Variants in CENPT observed in about 807,000 individuals in gnomAD.
The protein encoded by CENPT is interphase centromere complex protein 22.
In CENPT, 42 loss-of-function variants were observed where a neutral mutation model predicts 59.7. The ratio of observed to expected loss-of-function variants is 0.70; its 90% CI spans 0.55 to 0.91. The LOEUF (loss-of-function observed/expected upper bound fraction) is 0.91, where lower values mean the gene tolerates loss of function less well. CENPT is among the 40% of genes least tolerant of loss of function. The pLI is 0.00. For missense variants in CENPT, 716 were observed against 713.4 expected, an observed-to-expected ratio of 1.00 and a Z score of -0.04; for synonymous variants, 295 against 289.6, an observed-to-expected ratio of 1.02 and a Z score of -0.19.
chr16:67,830,552 T>C lies in CENPT; in HGVS notation c.704-4A>G. 6.2e-7 allele frequency: 1 copy of C among 1,613,724 alleles called. No individual in the cohort carries two copies. Among genetic ancestry groups the C allele is most frequent in the Non-Finnish European group, 8.5e-7 (1 of 1,179,886 alleles). ...TGGGTGTCCTCCAACACAATGTCTGTGGGCAGAGTAGTAACAGGTTCTGAG... is the reference window on the plus strand; with the variant it reads ...TGGGTGTCCTCCAACACAATGTCTGCGGGCAGAGTAGTAACAGGTTCTGAG... On this transcript the variant is annotated splice_region_variant and splice_polypyrimidine_tract_variant and intron_variant, in intron 10 of 15. Coordinates refer to ENST00000562787, the MANE Select transcript of CENPT (RefSeq NM_025082.4).
In CENPT at chr16:67,842,307, T is replaced by G; in HGVS notation, c.-492+5094A>C. The stretch of plus-strand genomic sequence containing the variant: ...CGTAGTCTCTTTCTCAGGCGGTCCT[T>G]CGCGGCGTCCCCGGGGCCCACTCCC... On this transcript the variant is annotated intron_variant, in intron 1 of 15. Transcript: ENST00000562787. The surrounding 1 kb of genome is among the most constrained non-coding windows in gnomAD (Gnocchi z 4.9). 5.9e-6 allele frequency: 1 copy of G among 170,102 alleles called. No homozygotes were observed. Among genetic ancestry groups the G allele is most frequent in the Non-Finnish European group, 1.2e-5 (1 of 80,556 alleles). The allele number at this position is 170,102 out of a possible 1,614,324, so 10.5% of individuals were successfully genotyped here.
intron 1 of CENPT, among the ~76,000 whole-genome samples, chr16:67,838,077 T>G (rs1191499556): frequency 6.6e-6 from 1 of 152,124 alleles, no homozygotes; most frequent in African/African-American, 2.4e-5. Flanking sequence ...GTGAGCTGGA[T>G]CGTGGAGGTG....
intron 13 of CENPT, 25 bp from the exon 14 acceptor site, chr16:67,828,868 G>C: frequency 6.4e-7 from 1 of 1,555,476 alleles, no homozygotes; most frequent in African/African-American, 1.4e-5. Flanking sequence ...GGACAGAGGG[G>C]GCTGAACTTG....
chr16:67,831,026 A>G (rs1428874869), intron 10 of CENPT, 190 bp downstream of exon 10: 2 of 726,052 alleles, frequency 2.8e-6, no homozygotes, highest in Non-Finnish European at 4.7e-6. Context: ...GCCCTGGGAG[A>G]CACCGAGGGA....
chr16:67,831,539 C>T (rs1247618986), intron 9 of CENPT, 37 bp downstream of exon 9: 44 of 1,612,054 alleles, frequency 2.7e-5, no homozygotes, highest in Non-Finnish European at 3.7e-5. Context: ...GTCTCTCCTC[C>T]ACCCACTCCC....
rs758338398 is a variant in CENPT, at chr16:67,831,269, A to G, written c.650T>C (p.Val217Ala). 1.9e-6 allele frequency: 3 copies of G among 1,614,194 alleles called. No homozygotes were observed. The highest frequency in any genetic ancestry group is 2.5e-6 in the Non-Finnish European group (3 of 1,180,022). ...LARRPPARRA[V>A]DVGAFLRDLR... is the part of the protein sequence containing the mutation. ...ATCCCGCAAAAAGGCACCCACGTCT[A>G]CAGCTCGGCGGGCTGGAGGTCTGCG... Residue 217 changes from valine to alanine, a missense_variant, in exon 10 of 16, where the codon GTA becomes GCA. By Grantham distance (64) the Val-to-Ala change is moderately conservative. Transcript: ENST00000562787.
At chr16:67,836,648 T>C (rs1362257503) in intron 1 of CENPT, among the ~76,000 whole-genome samples, 3 of 151,764 alleles carry the variant, frequency 2.0e-5, no homozygotes, top group African/African-American at 7.3e-5. Flanking sequence ...GTTTTGCTCT[T>C]GTTGCCCAGG....
Position 67,832,452 on chromosome 16 carries a change from T to G in CENPT, c.201+3A>C. ...CTTTGGGGTCAGTGGGCTGGGTACT[T>G]ACCCTGGCTCCATGGGAACGCCCTC... is the stretch of plus-strand genomic sequence containing the variant. On this transcript the variant is annotated splice_donor_region_variant and intron_variant, in intron 5 of 15. Coordinates refer to ENST00000562787, the MANE Select transcript of CENPT (RefSeq NM_025082.4). 1 of 1,614,112 alleles carries G rather than the reference T, an allele frequency of 6.2e-7. No individual in the cohort carries two copies. The highest frequency in any genetic ancestry group is 8.5e-7 in the Non-Finnish European group (1 of 1,179,966).
At chr16:67,830,666 G>A (rs2151284564) in intron 10 of CENPT, 118 bp from the exon 11 acceptor site, 2 of 1,008,542 alleles carry the variant, frequency 2.0e-6, no homozygotes, top group Non-Finnish European at 1.5e-6. Flanking sequence ...CCTGGACAGT[G>A]GGCTGCATGG....
rs2057779527 is a variant in CENPT at position 67,843,604 on chromosome 16, GAGGCTTA to G, written c.-492+3790_-492+3796del. 2.5e-5 allele frequency: 29 copies of G among 1,183,104 alleles called. No homozygotes were observed. The South Asian group carries it at 4.5e-4, about 18-fold the overall frequency. The allele number at this position is 1,183,104 out of a possible 1,614,324, so 73.3% of individuals were successfully genotyped here. ...CTCCTGGGCACTGGTTGACAGTACT[GAGGCTTA>G]AGGCAGCTGGACTCTCTTGCTGGTG... is the stretch of plus-strand genomic sequence containing the variant. On this transcript the variant is annotated intron_variant, in intron 1 of 15. Transcript: ENST00000562787. This position sits in a 1 kb window ranked among gnomAD's most constrained non-coding sequence, Gnocchi z 5.7.
chr16:67,839,974 C>T (rs2057751770), intron 1 of CENPT, among the ~76,000 whole-genome samples: 1 of 152,146 alleles, frequency 6.6e-6, no homozygotes, highest in Non-Finnish European at 1.5e-5. Context: ...TTACCAGGGG[C>T]TACACCGGCC....
intron 13 of CENPT, chr16:67,829,219 C>A: frequency 1.9e-6 from 1 of 534,138 alleles, no homozygotes; most frequent in Non-Finnish European, 3.3e-6. Flanking sequence ...CACATACTTT[C>A]CCCTCACCCA....
intron 10 of CENPT, 112 bp downstream of exon 10, chr16:67,831,104 C>T (rs776365465): frequency 6.4e-6 from 9 of 1,413,518 alleles, no homozygotes; most frequent in Non-Finnish European, 8.9e-6. Flanking sequence ...CAGAGTTGCT[C>T]GCTGTCCTTG....
intron 4 of CENPT, among the ~76,000 whole-genome samples, chr16:67,833,264 A>C (rs1036729261): frequency 1.3e-5 from 2 of 152,196 alleles, no homozygotes; most frequent in African/African-American, 4.8e-5. Context: ...CCCATTTCCC[A>C]GCTGGGAGCT....
In CENPT at chr16:67,828,860, A is replaced by T. The variant is rs1483613753; in HGVS notation, c.1281-17T>A. On this transcript the variant is annotated splice_polypyrimidine_tract_variant and intron_variant, in intron 13 of 15. Coordinates refer to ENST00000562787, the MANE Select transcript of CENPT (RefSeq NM_025082.4). ...GAAGATAAGCTGAGGGCAACAGTGG[A>T]CAGAGGGGGCTGAACTTGCCTCAAG... 1.3e-6 allele frequency: 2 copies of T among 1,566,606 alleles called. No individual in the cohort carries two copies. The highest frequency in any genetic ancestry group is 1.7e-6 in the Non-Finnish European group (2 of 1,163,866).
Position 67,838,635 on chromosome 16 carries a change from G to GA in CENPT, c.-491-2978dup, listed in dbSNP as rs570984661. Among the ~76,000 whole-genome samples, 10 of 144,896 alleles carry GA rather than the reference G, an allele frequency of 6.9e-5. No homozygotes were observed. The East Asian group carries it at 1.0e-3, about 15-fold the overall frequency. ...AGACTCCGTCTCAAAAAAAAAAAAA[G>GA]AAAAAAAAATGGCCAGGCGCGGTGG... On this transcript the variant is annotated intron_variant, in intron 1 of 15. Coordinates refer to ENST00000562787, the MANE Select transcript of CENPT (RefSeq NM_025082.4).
Position 67,833,768 on chromosome 16 carries a change from G to A in CENPT, c.92C>T (p.Pro31Leu). The change falls in exon 4 of 16, where the codon CCC (proline) becomes CTC (leucine). Residue 31 changes from proline to leucine, a missense_variant. Physicochemically the swap from Pro to Leu is moderately conservative, Grantham distance 98. Coordinates refer to ENST00000562787, the MANE Select transcript of CENPT (RefSeq NM_025082.4). ...CACATACCCAGCCCGAGCACTCCGG[G>A]GTCGCCGCGGGGTGCGCGGGTCCGC... ...DTADPRTPRR[P>L]RSARAGARRA... 1 of 1,556,418 alleles carries A rather than the reference G, an allele frequency of 6.4e-7. No homozygotes were observed. Among genetic ancestry groups the A allele is most frequent in the East Asian group, 2.5e-5 (1 of 39,436 alleles).
At position 67,829,403 on chromosome 16, in the gene CENPT, A is replaced by G. The variant is rs771948019; in HGVS notation, c.1280+20T>C. On this transcript the variant is annotated intron_variant, in intron 13 of 15. Coordinates refer to ENST00000562787, the MANE Select transcript of CENPT (RefSeq NM_025082.4). ...TCCCTTCCCAAGAGGCCCATGAGGA[A>G]TGGGGTTGTGGGATCTTACACTGCA... The G allele has an allele frequency of 2.6e-6, 4 of 1,568,072 alleles. No homozygotes were observed. The highest frequency in any genetic ancestry group is 3.5e-6 in the Non-Finnish European group (4 of 1,156,384).
intron 4 of CENPT, 28 bp from the exon 5 acceptor site, chr16:67,832,573 G>T: frequency 6.3e-7 from 1 of 1,580,998 alleles, no homozygotes; most frequent in Non-Finnish European, 8.7e-7. Flanking sequence ...ATTATGCCGA[G>T]AATTACGGTG....
Sources: allele counts gnomAD v4.1 joint callset (sites outside exome capture counted in the v4.1 genomes callset), GRCh38; gene constraint gnomAD v4.1.1; non-coding constraint Gnocchi (gnomAD v3.1); transcripts MANE v1.5; gene names NCBI Gene and HGNC (gene_info 2026-07-23, HGNC 2026-07-21).